DMD: variants seen among roughly 807,000 people sequenced by gnomAD.
DMD encodes the protein mutant dystrophin.
In DMD, 63 loss-of-function variants were observed where a neutral mutation model predicts 330.1. That is an observed-to-expected ratio of 0.19 (90% CI 0.16 to 0.24). The LOEUF (loss-of-function observed/expected upper bound fraction) is 0.24. Among genes scored for constraint, DMD ranks in the 10% least tolerant of loss-of-function variants. DMD has a pLI of 1.00. For missense variants in DMD, 3,344 were observed against 2,684.1 expected (o/e 1.25, Z -5.43); for synonymous variants, 1,223 against 959.8 (o/e 1.27, Z -5.07).
chrX:33,173,867 T>C (rs913499869), intron 1 of DMD, among the ~76,000 whole-genome samples: 2 of 109,623 alleles, frequency 1.8e-5, no homozygotes, highest in African/African-American at 6.6e-5. Context: ...AACTAAACGA[T>C]AAAGTGATAA....
At chrX:32,649,232 T>A (rs999596857) in intron 9 of DMD, among the ~76,000 whole-genome samples, 33 of 110,129 alleles carry the variant, frequency 3.0e-4, no homozygotes, top group African/African-American at 1.1e-3. Context: ...TATTGTCACC[T>A]ATGTTCCTTG....
chrX:31,754,082 G>A (rs754819339), intron 51 of DMD, among the ~76,000 whole-genome samples: 61 of 110,817 alleles, frequency 5.5e-4, no homozygotes, highest in African/African-American at 1.7e-3. Flanking sequence ...ACGTACGCTC[G>A]GCAGTGTAAA....
At chrX:31,453,321 C>A (rs1214508359) in intron 59 of DMD, among the ~76,000 whole-genome samples, 1 of 110,661 alleles carries the variant, frequency 9.0e-6, no homozygotes, top group African/African-American at 3.3e-5. Flanking sequence ...ACCACCACGC[C>A]CAGCTAATTT....
chrX:31,158,507 G>A (rs938704906), intron 74 of DMD, among the ~76,000 whole-genome samples: 1 of 110,965 alleles, frequency 9.0e-6, no homozygotes. Context: ...ATTTCTTTTG[G>A]GGGGTGATAA....
intron 2 of DMD, among the ~76,000 whole-genome samples, chrX:32,940,415 A>T (rs780217576): frequency 3.5e-4 from 39 of 111,647 alleles, no homozygotes; most frequent in Non-Finnish European, 6.0e-4. Flanking sequence ...TAACATTTAA[A>T]TAAGAGCAAA....
intron 9 of DMD, among the ~76,000 whole-genome samples, chrX:32,656,062 T>C (rs1370245989): frequency 8.9e-6 from 1 of 111,754 alleles, no homozygotes; most frequent in African/African-American, 3.3e-5. Flanking sequence ...CTTCACCCTT[T>C]ATGTAGTATT....
At chrX:32,805,185 T>A (rs1412744008) in intron 7 of DMD, among the ~76,000 whole-genome samples, 1 of 111,724 alleles carries the variant, frequency 9.0e-6, no homozygotes, top group East Asian at 2.8e-4. Context: ...GAGCATGTTC[T>A]AACCCAATGG....
chrX:32,309,343 C>T lies in DMD; in HGVS notation c.6117+739G>A, dbSNP rs746065597. On this transcript the variant is annotated intron_variant, in intron 42 of 78. Transcript: ENST00000357033. Reference sequence around the variant, plus strand: ...ACTGTTTGCATTTGAAAATACCAAGCTCTGGGTATACTATAATATTTCATT... The same window carrying T: ...ACTGTTTGCATTTGAAAATACCAAGTTCTGGGTATACTATAATATTTCATT... Among the ~76,000 whole-genome samples, 6 of 111,175 alleles carry T rather than the reference C, an allele frequency of 5.4e-5. No homozygotes were observed. In the East Asian group the frequency reaches 1.4e-3, roughly 26 times the overall value.
At chrX:32,652,296 C>G (rs1257154922) in intron 9 of DMD, among the ~76,000 whole-genome samples, 3 of 72,545 alleles carry the variant, frequency 4.1e-5, no homozygotes, top group African/African-American at 5.5e-5. Flanking sequence ...CTCCCCCCAC[C>G]CCACTACGGG....
At chrX:31,163,106 C>T (rs970187337) in intron 74 of DMD, among the ~76,000 whole-genome samples, 1 of 111,834 alleles carries the variant, frequency 8.9e-6, no homozygotes, top group Non-Finnish European at 1.9e-5. Context: ...GCTCTGTAGC[C>T]CTTTGTTTTG....
intron 1 of DMD, among the ~76,000 whole-genome samples, chrX:33,314,009 A>G (rs1354221618): frequency 9.2e-6 from 1 of 108,743 alleles, no homozygotes; most frequent in African/African-American, 3.4e-5. Flanking sequence ...GTGTGTGTGT[A>G]ATGTGAGAAT....
At chrX:32,792,393 A>C (rs1477494748) in intron 7 of DMD, among the ~76,000 whole-genome samples, 1 of 111,885 alleles carries the variant, frequency 8.9e-6, no homozygotes, top group Non-Finnish European at 1.9e-5. Flanking sequence ...AATGATAATG[A>C]GGGAAAAAAA....
intron 55 of DMD, among the ~76,000 whole-genome samples, chrX:31,549,135 G>A (rs1053284023): frequency 9.0e-6 from 1 of 111,034 alleles, no homozygotes; most frequent in African/African-American, 3.3e-5. Context: ...AAACATTCCC[G>A]TGAATGCAAG....
At chrX:32,107,110 G>A (rs982267248) in intron 44 of DMD, among the ~76,000 whole-genome samples, 3 of 110,786 alleles carry the variant, frequency 2.7e-5, no homozygotes, top group Middle Eastern at 4.2e-3. Context: ...TAGGTACCAC[G>A]TTCCTCAGTA....
intron 55 of DMD, among the ~76,000 whole-genome samples, chrX:31,615,327 C>T (rs1326136384): frequency 9.0e-6 from 1 of 111,704 alleles, no homozygotes; most frequent in Non-Finnish European, 1.9e-5. Context: ...ATTGCCACTG[C>T]CCCATGGTAT....
chrX:33,131,330 T>G lies in DMD; in HGVS notation c.31+79952A>C, dbSNP rs771704913. 2.7e-5 allele frequency among the ~76,000 whole-genome samples: 3 copies of G among 111,427 alleles called. No individual in the cohort carries two copies. In the South Asian group the frequency reaches 1.1e-3, roughly 42 times the overall value. ...AAAAAACCCAGTGCCCAAACTGCAC[T>G]TCATATCAATGAAATCAGAGTCTCT... On this transcript the variant is annotated intron_variant, in intron 1 of 78. Coordinates refer to ENST00000357033, the MANE Select transcript of DMD (RefSeq NM_004006.3).
chrX:32,908,225 C>A (rs1175299772), intron 2 of DMD, among the ~76,000 whole-genome samples: 3 of 111,583 alleles, frequency 2.7e-5, no homozygotes, highest in East Asian at 2.8e-4. Context: ...ATATCATCAT[C>A]AAACGGTATT....
intron 7 of DMD, among the ~76,000 whole-genome samples, chrX:32,727,366 G>A (rs1048243336): frequency 2.7e-5 from 3 of 110,836 alleles, no homozygotes; most frequent in African/African-American, 9.8e-5. Flanking sequence ...GTATAAAAAT[G>A]GTTTCACGAG....
intron 1 of DMD, among the ~76,000 whole-genome samples, chrX:33,131,171 A>G (rs866550624): frequency 9.0e-6 from 1 of 110,787 alleles, no homozygotes; most frequent in Admixed American, 9.7e-5. Context: ...TGCATTTCCA[A>G]TAAGTTCCCT....
Sources: gnomAD v4.1 joint callset for allele counts (sites outside exome capture counted in the v4.1 genomes callset) on GRCh38, gnomAD v4.1.1 for gene constraint, MANE v1.5 for transcripts, NCBI Gene and HGNC (gene_info 2026-07-23, HGNC 2026-07-21) for gene names.